Variants in SMS observed in about 807,000 individuals in gnomAD.
SMS encodes spermine synthase, also known as spermidine aminopropyltransferase.
Under a neutral mutation model 33.0 loss-of-function variants are expected in SMS, and 3 were observed. That is an observed-to-expected ratio of 0.09 (90% CI 0.04 to 0.23). The LOEUF is 0.23. Among genes scored for constraint, SMS ranks in the 10% least tolerant of loss-of-function variants. The pLI is 1.00. For missense variants in SMS, 117 were observed against 288.6 expected (o/e 0.41, Z 4.31); for synonymous variants, 103 against 112.2 (o/e 0.92, Z 0.52).
At chrX:21,948,621 AAGTT>A (rs1398954529) in intron 1 of SMS, among the ~76,000 whole-genome samples, 2 of 110,896 alleles carry the variant, frequency 1.8e-5, no homozygotes, top group African/African-American at 6.6e-5. Context: ...TAGCTTTAAA[AAGTT>A]AGAGCTTTTG....
chrX:21,986,347 CAAAAAAAAAAAA>C (rs57792709), intron 9 of SMS, among the ~76,000 whole-genome samples: 8 of 33,225 alleles, frequency 2.4e-4, no homozygotes, highest in Non-Finnish European at 2.9e-4. Context: ...GACTACATCT[CAAAAAAAAAAAA>C]AAAAAAAAAA....
chrX:21,985,330 C>T (rs1925249983), intron 9 of SMS, 107 bp downstream of exon 9: 2 of 506,168 alleles, frequency 4.0e-6, no homozygotes, highest in Admixed American at 2.6e-5. Flanking sequence ...AGAGCGGCAT[C>T]ATCGGATTAT....
chrX:21,945,771 C>T (rs146980975), intron 1 of SMS, among the ~76,000 whole-genome samples: 3,148 of 108,671 alleles, frequency 0.029, 119 homozygotes, highest in African/African-American at 0.1. Context: ...ATTACAGGCA[C>T]GCGGCACCAC....
intron 1 of SMS, among the ~76,000 whole-genome samples, chrX:21,955,616 C>G (rs1317416174): frequency 1.8e-5 from 2 of 111,767 alleles, no homozygotes; most frequent in South Asian, 7.5e-4. Context: ...ATGACCCCCA[C>G]CCCCTGCTTT....
At chrX:21,944,522 CAAAAAAAAAAAAAAAA>C (rs777680386) in intron 1 of SMS, among the ~76,000 whole-genome samples, 2 of 34,724 alleles carry the variant, frequency 5.8e-5, no homozygotes, top group Non-Finnish European at 9.7e-5. Context: ...CCTGTCTCTA[CAAAAAAAAAAAAAAAA>C]AAAAAAAGAA....
intron 1 of SMS, among the ~76,000 whole-genome samples, chrX:21,959,043 A>G (rs1019557529): frequency 2.7e-5 from 3 of 112,306 alleles, no homozygotes; most frequent in Non-Finnish European, 5.6e-5. Context: ...TGGCTATTGC[A>G]TATCATGCTA....
chrX:21,993,336 C>G (rs892985254), intron 10 of SMS, among the ~76,000 whole-genome samples: 1 of 112,848 alleles, frequency 8.9e-6, no homozygotes, highest in Non-Finnish European at 1.9e-5. Flanking sequence ...TTGGTGTTCT[C>G]TGTTAGTTCC....
intron 1 of SMS, among the ~76,000 whole-genome samples, chrX:21,945,890 TG>T (rs1404148883): frequency 1.8e-5 from 2 of 111,331 alleles, no homozygotes; most frequent in Non-Finnish European, 3.8e-5. Context: ...CTCAAAGTGC[TG>T]GGATTACAGG....
At chrX:21,968,300 G>A (rs749955442) in intron 2 of SMS, among the ~76,000 whole-genome samples, 2 of 112,320 alleles carry the variant, frequency 1.8e-5, no homozygotes, top group South Asian at 7.4e-4. Flanking sequence ...GGGGAGCCCA[G>A]GTCCCTTCTC....
At chrX:21,977,315 C>T (rs768783761) in intron 5 of SMS, 79 bp downstream of exon 5, 88 of 910,829 alleles carry the variant, frequency 9.7e-5, no homozygotes, top group Non-Finnish European at 1.4e-4. Context: ...ACAATTACTA[C>T]TGTCGTGGAT....
At chrX:21,964,807 A>G (rs1923586674) in intron 1 of SMS, among the ~76,000 whole-genome samples, 1 of 111,981 alleles carries the variant, frequency 8.9e-6, no homozygotes, top group Admixed American at 9.5e-5. Flanking sequence ...TTGAAAACGA[A>G]TTTTGGGCAG....
chrX:21,948,427 C>G (rs1362922553), intron 1 of SMS, among the ~76,000 whole-genome samples: 4 of 73,304 alleles, frequency 5.5e-5, no homozygotes, highest in African/African-American at 1.7e-4. Flanking sequence ...AACCAGTAGT[C>G]AGTCAATGTG....
chrX:21,987,477 A>G (rs916314961), intron 9 of SMS, among the ~76,000 whole-genome samples: 1 of 112,132 alleles, frequency 8.9e-6, no homozygotes, highest in Non-Finnish European at 1.9e-5. Flanking sequence ...GATTTCAGGC[A>G]TCCATTGCCA....
intron 7 of SMS, among the ~76,000 whole-genome samples, chrX:21,981,669 G>A (rs1924957049): frequency 8.9e-6 from 1 of 112,011 alleles, no homozygotes; most frequent in Non-Finnish European, 1.9e-5. Context: ...AGTTGAGTTA[G>A]TGTGTGATGC....
chrX:21,978,814 T>C, intron 6 of SMS, 63 bp from the exon 7 acceptor site: 1 of 775,915 alleles, frequency 1.3e-6, no homozygotes, highest in Admixed American at 2.2e-5. Flanking sequence ...TAATCCTTTC[T>C]TTAAAGTATT....
At chrX:21,962,911 T>C (rs1923460186) in intron 1 of SMS, among the ~76,000 whole-genome samples, 1 of 110,949 alleles carries the variant, frequency 9.0e-6, no homozygotes, top group Non-Finnish European at 1.9e-5. Context: ...TGCCTTGACC[T>C]CCTAAAGTGT....
intron 1 of SMS, among the ~76,000 whole-genome samples, chrX:21,943,035 CAG>C (rs1051230997): frequency 1.8e-5 from 2 of 109,929 alleles, no homozygotes; most frequent in African/African-American, 6.6e-5. Context: ...AAAGTAGAGA[CAG>C]GGTTTCACCA....
At chrX:21,968,443 G>T (rs1310238486) in intron 2 of SMS, among the ~76,000 whole-genome samples, 1 of 112,137 alleles carries the variant, frequency 8.9e-6, no homozygotes, top group East Asian at 2.8e-4. Context: ...ACCCCTGGTG[G>T]CATAAGCAGT....
intron 2 of SMS, among the ~76,000 whole-genome samples, chrX:21,970,324 G>C (rs1349824186): frequency 9.0e-6 from 1 of 110,706 alleles, no homozygotes; most frequent in Non-Finnish European, 1.9e-5. Context: ...TTTATCCCTA[G>C]TAGCACCTTA....
Sources: allele counts gnomAD v4.1 joint callset (sites outside exome capture counted in the v4.1 genomes callset), GRCh38; gene constraint gnomAD v4.1.1; transcripts MANE v1.5; gene names NCBI Gene and HGNC (gene_info 2026-07-23, HGNC 2026-07-21).